The following DLG2 variants were observed in gnomAD, a reference collection of about 807,000 sequenced individuals.
The protein encoded by DLG2 is disks large homolog 2.
In DLG2, 45 loss-of-function variants were observed where a neutral mutation model predicts 132.5. The observed-to-expected ratio is 0.34, with a 90% CI of 0.27 to 0.44. The LOEUF (loss-of-function observed/expected upper bound fraction) is 0.44. Ranked by LOEUF, DLG2 falls within the 20% of genes least tolerant of loss-of-function variation. DLG2 has a pLI of 1.00. For synonymous variants in DLG2, 424 were observed against 419.6 expected (o/e 1.01, Z -0.13); for missense variants, 1,045 against 1,196.9 (o/e 0.87, Z 1.87).
chr11:85,277,292 C>G (rs2077951692), intron 4 of DLG2, among the ~76,000 whole-genome samples: 1 of 152,016 alleles, frequency 6.6e-6, no homozygotes, highest in African/African-American at 2.4e-5. Flanking sequence ...TCTATGAAAG[C>G]CTGAATTAGA....
At chr11:85,504,946 T>A (rs984188394) in intron 3 of DLG2, among the ~76,000 whole-genome samples, 1 of 152,194 alleles carries the variant, frequency 6.6e-6, no homozygotes, top group South Asian at 2.1e-4. Context: ...TAAGTTGGAT[T>A]CCTAGGTATT....
rs1388519291 is a variant in DLG2 at position 83,918,379 on chromosome 11, A to C, written c.1496+11949T>G. 2.6e-5 allele frequency among the ~76,000 whole-genome samples: 4 copies of C among 152,172 alleles called. No homozygotes were observed. In the East Asian group the frequency reaches 7.7e-4, roughly 29 times the overall value. On this transcript the variant is annotated intron_variant, in intron 15 of 27. Coordinates refer to ENST00000376104, the MANE Select transcript of DLG2 (RefSeq NM_001142699.3). The stretch of plus-strand genomic sequence containing the variant: ...TGCCTGAGGCCTCAGTGGCCAAGGC[A>C]TTCACTCACACCTATCCTGATTTCC...
chr11:85,278,388 G>A (rs1411642532), intron 4 of DLG2, among the ~76,000 whole-genome samples: 1 of 152,148 alleles, frequency 6.6e-6, no homozygotes, highest in East Asian at 1.9e-4. Flanking sequence ...GATCACCTGA[G>A]GTTGGGAGTT....
At chr11:84,030,509 T>G (rs758333756) in intron 11 of DLG2, among the ~76,000 whole-genome samples, 34 of 152,080 alleles carry the variant, frequency 2.2e-4, no homozygotes, top group Admixed American at 9.2e-4. Context: ...GAAGGTGAAG[T>G]TGAAGAAACT....
chr11:84,303,686 T>G (rs2098182852), intron 7 of DLG2, among the ~76,000 whole-genome samples: 1 of 152,190 alleles, frequency 6.6e-6, no homozygotes, highest in Non-Finnish European at 1.5e-5. Context: ...TAACCAATGA[T>G]TCCAATATTT....
chr11:85,345,400 A>G (rs1353021335), intron 3 of DLG2, among the ~76,000 whole-genome samples: 1 of 152,018 alleles, frequency 6.6e-6, no homozygotes, highest in Non-Finnish European at 1.5e-5. Flanking sequence ...TTAAGAAGAA[A>G]AGGAAATTTA....
chr11:84,032,363 A>G (rs901334869), intron 11 of DLG2, among the ~76,000 whole-genome samples: 2 of 152,190 alleles, frequency 1.3e-5, no homozygotes, highest in South Asian at 2.1e-4. Context: ...TGATGTGGAG[A>G]AAGTTTTAGT....
At chr11:84,705,798 G>T (rs1833424848) in intron 6 of DLG2, among the ~76,000 whole-genome samples, 1 of 151,886 alleles carries the variant, frequency 6.6e-6, no homozygotes, top group South Asian at 2.1e-4. Context: ...GAAGTATGAT[G>T]GGTGTCATTA....
At chr11:84,356,504 C>T (rs1233746302) in intron 7 of DLG2, among the ~76,000 whole-genome samples, 2 of 152,020 alleles carry the variant, frequency 1.3e-5, no homozygotes, top group East Asian at 3.9e-4. Flanking sequence ...TGATGACTTG[C>T]TAGCTGTGTG....
chr11:85,354,187 C>T (rs2083513231), intron 3 of DLG2, among the ~76,000 whole-genome samples: 1 of 151,942 alleles, frequency 6.6e-6, no homozygotes, highest in South Asian at 2.1e-4. Flanking sequence ...AACTTTCAAT[C>T]TTTTAGTATC....
intron 19 of DLG2, among the ~76,000 whole-genome samples, chr11:83,567,596 T>C (rs1167791918): frequency 1.3e-5 from 2 of 152,134 alleles, no homozygotes; most frequent in Non-Finnish European, 2.9e-5. Context: ...AGAAAATTAA[T>C]TTGATAATTG....
intron 17 of DLG2, among the ~76,000 whole-genome samples, chr11:83,800,297 G>A (rs2044007039): frequency 6.6e-6 from 1 of 152,170 alleles, no homozygotes; most frequent in Non-Finnish European, 1.5e-5. Flanking sequence ...CTAAATCACA[G>A]AGGTACCGTC....
At chr11:84,806,684 G>C (rs2076038804) in intron 6 of DLG2, among the ~76,000 whole-genome samples, 1 of 152,130 alleles carries the variant, frequency 6.6e-6, no homozygotes, top group Admixed American at 6.5e-5. Flanking sequence ...ATGGCTTCTA[G>C]AGAAAGATTT....
At chr11:84,523,591 T>G (rs1490462771) in intron 7 of DLG2, among the ~76,000 whole-genome samples, 2 of 152,204 alleles carry the variant, frequency 1.3e-5, no homozygotes, top group Non-Finnish European at 2.9e-5. Flanking sequence ...TTTAGAAATA[T>G]GGGAGGGATG....
intron 8 of DLG2, among the ~76,000 whole-genome samples, chr11:84,178,326 G>GAA (rs2096024781): frequency 6.6e-6 from 1 of 152,144 alleles, no homozygotes; most frequent in Non-Finnish European, 1.5e-5. Flanking sequence ...ACAGTAGCCA[G>GAA]AAATTTAACA....
chr11:84,258,836 A>G (rs771248116), intron 7 of DLG2, among the ~76,000 whole-genome samples: 9 of 152,200 alleles, frequency 5.9e-5, no homozygotes, highest in Admixed American at 2.0e-4. Context: ...CTGAAGAGAA[A>G]TTTATCACCG....
chr11:84,671,094 T>A (rs1422564845), intron 6 of DLG2, among the ~76,000 whole-genome samples: 2 of 149,066 alleles, frequency 1.3e-5, no homozygotes, highest in African/African-American at 5.0e-5. Context: ...CCGAGTACAA[T>A]AATTTTTTTT....
intron 7 of DLG2, among the ~76,000 whole-genome samples, chr11:84,300,028 A>G (rs1033548331): frequency 7.9e-5 from 12 of 152,200 alleles, no homozygotes; most frequent in Admixed American, 7.2e-4. Context: ...TCAAAACCAT[A>G]TAATGGTTTT....
chr11:85,391,646 T>G (rs1362979785), intron 3 of DLG2, among the ~76,000 whole-genome samples: 1 of 152,038 alleles, frequency 6.6e-6, no homozygotes. Context: ...CACAAGCCAA[T>G]AAATGTGATA....
Sources: gnomAD v4.1 joint callset for allele counts (sites outside exome capture counted in the v4.1 genomes callset) on GRCh38, gnomAD v4.1.1 for gene constraint, MANE v1.5 for transcripts, NCBI Gene and HGNC (gene_info 2026-07-23, HGNC 2026-07-21) for gene names.